The following CD63 variants were observed in gnomAD, a reference collection of about 807,000 sequenced individuals.
CD63 encodes CD63 molecule, also known as CD63 antigen.
In CD63, 16 loss-of-function variants were observed where a neutral mutation model predicts 29.2. That is an observed-to-expected ratio of 0.55 (90% CI 0.37 to 0.83). The LOEUF is 0.83. Among genes scored for constraint, CD63 ranks in the 40% least tolerant of loss-of-function variants. The probability of loss-of-function intolerance (pLI) is 0.00; values close to 1 mark genes in which losing one functional copy is unlikely to be tolerated. For synonymous variants in CD63, 118 were observed against 111.7 expected, an observed-to-expected ratio of 1.06 and a Z score of -0.36; for missense variants, 251 against 297.3, an observed-to-expected ratio of 0.84 and a Z score of 1.15.
chr12:55,729,211 C>A, upstream of CD63: 2 of 896,754 alleles, frequency 2.2e-6, no homozygotes, highest in South Asian at 1.0e-4. Context: ...GAAGAAGGCG[C>A]CCACCCCCGC....
Position 55,725,512 on chromosome 12 carries a change from A to G in CD63, c.*49T>C. On this transcript the variant is annotated 3_prime_UTR_variant, in exon 8 of 8. Transcript: ENST00000257857. ...TAATCCGTTTAATTGAAAAACCTGG[A>G]GGATACTATTCCACTCCCCCAGATG... 1 of 1,398,850 alleles carries G rather than the reference A, an allele frequency of 7.1e-7. No homozygotes were observed. The highest frequency in any genetic ancestry group is 1.0e-6 in the Non-Finnish European group (1 of 984,492). The allele number at this position is 1,398,850 out of a possible 1,614,324, so 86.7% of individuals were successfully genotyped here.
At chr12:55,727,122 C>A (rs1035573162) in intron 3 of CD63, 29 bp downstream of exon 3, 6 of 1,602,050 alleles carry the variant, frequency 3.7e-6, no homozygotes, top group Admixed American at 3.4e-5. Flanking sequence ...AGTCCCAGAC[C>A]GCCCATGTTG....
chr12:55,724,663 T>C (rs560347706), downstream of CD63: 18 of 997,510 alleles, frequency 1.8e-5, no homozygotes, highest in Non-Finnish European at 1.5e-6. Flanking sequence ...AGTGTATTGT[T>C]TAAAAAATAA....
chr12:55,727,175 C>G lies in CD63; in HGVS notation c.231G>C (p.Lys77Asn), dbSNP rs1274258303. The G allele has an allele frequency of 6.2e-7, 1 of 1,613,686 alleles. No homozygotes were observed. The highest frequency in any genetic ancestry group is 8.5e-7 in the Non-Finnish European group (1 of 1,179,928). The change falls in exon 3 of 8, where the codon AAG (lysine) becomes AAC (asparagine). Residue 77 changes from lysine (K) to asparagine (N), a missense_variant. Transcript: ENST00000257857. Reference sequence around the variant, plus strand: ...CCGTGATCATAAGACAATAGTTCTCCTTGCAGGCCCCGCAGCAGCCCACAA... The same window carrying G: ...CCGTGATCATAAGACAATAGTTCTCGTTGCAGGCCCCGCAGCAGCCCACAA... ...VAFVGCCGAC[K>N]ENYCLMITFA...
intron 2 of CD63, chr12:55,727,932 G>A (rs1877600037): frequency 2.5e-6 from 3 of 1,176,958 alleles, no homozygotes; most frequent in Non-Finnish European, 3.2e-6. Flanking sequence ...GGGAGGGAGA[G>A]AGGGGAGAAG....
rs1176073783 is a variant in CD63, at chr12:55,728,070, A to C, written c.66+206T>G. On this transcript the variant is annotated intron_variant, in intron 2 of 7. Transcript: ENST00000257857. The surrounding 1 kb of genome is among the most constrained non-coding windows in gnomAD (Gnocchi z 4.8). ...GAGGGATGGGGGTAGGGGTTGCTGC[A>C]CACCCAGGATGGCCATTCTCGGTGG... Among the ~76,000 whole-genome samples, 1 of 149,016 alleles carries C rather than the reference A, an allele frequency of 6.7e-6. No homozygotes were observed. Among genetic ancestry groups the C allele is most frequent in the Non-Finnish European group, 1.5e-5 (1 of 67,442 alleles).
At position 55,725,597 on chromosome 12, in the gene CD63, G is replaced by A. The variant is rs762113178; in HGVS notation, c.681C>T (p.Leu227=). The part of the protein sequence containing the change: ...EVLGIVFACC[L]VKSIRSGYEV... ...CGTAGCCACTTCTGATACTCTTCAC[G>A]AGGCAGCAGGCAAAGACAATTCCCA... The change falls in exon 8 of 8, where the codon CTC becomes CTT. Residue 227 remains leucine, a synonymous_variant. Coordinates refer to ENST00000257857, the MANE Select transcript of CD63 (RefSeq NM_001780.6). 24 of 1,613,920 alleles carry A rather than the reference G, an allele frequency of 1.5e-5. No individual in the cohort carries two copies. The highest frequency in any genetic ancestry group is 1.6e-4 in the Middle Eastern group (1 of 6,080).
chr12:55,725,975 C>T (rs981486412), intron 6 of CD63, 79 bp from the exon 7 acceptor site: 1 of 1,384,262 alleles, frequency 7.2e-7, no homozygotes, highest in African/African-American at 1.4e-5. Flanking sequence ...CCATCAGTCT[C>T]TTCCCTGCCC....
downstream of CD63, chr12:55,724,640 A>C: frequency 9.1e-7 from 1 of 1,099,946 alleles, no homozygotes; most frequent in East Asian, 2.5e-5. Flanking sequence ...GCCACAAAAT[A>C]AGCACTAACA....
rs1565658878 is a variant in CD63 at position 55,726,983 on chromosome 12, GAAGTC to G, written c.256-24_256-20del. The stretch of plus-strand genomic sequence containing the variant: ...TGGCAAACTGCAGGAGCAAAGGACA[GAAGTC>G]AAGTTTGGAGTCTATGCATTACAGG... On this transcript the variant is annotated intron_variant, in intron 3 of 7. Coordinates refer to ENST00000257857, the MANE Select transcript of CD63 (RefSeq NM_001780.6). 6.2e-7 allele frequency: 1 copy of G among 1,613,216 alleles called. No homozygotes were observed. Among genetic ancestry groups the G allele is most frequent in the Admixed American group, 1.7e-5 (1 of 60,030 alleles).
Position 55,728,236 on chromosome 12 carries a change from C to A in CD63, c.66+40G>T, listed in dbSNP as rs377548535. ...ACCACTGTGGAGCCAGGTCTCCCCG[C>A]ACCCTGCCGGCGCGCCCCCCAGGAC... On this transcript the variant is annotated intron_variant, in intron 2 of 7. Transcript: ENST00000257857. The surrounding 1 kb of genome is among the most constrained non-coding windows in gnomAD (Gnocchi z 4.8). The A allele has an allele frequency of 6.4e-7, 1 of 1,558,818 alleles. No individual in the cohort carries two copies.
chr12:55,728,981 C>T lies in CD63; in HGVS notation c.-40G>A. 2.0e-6 allele frequency: 2 copies of T among 985,470 alleles called. No homozygotes were observed. Among genetic ancestry groups the T allele is most frequent in the Non-Finnish European group, 2.4e-6 (2 of 830,064 alleles). The allele number at this position is 985,470 out of a possible 1,614,324, so 61.0% of individuals were successfully genotyped here. On this transcript the variant is annotated 5_prime_UTR_variant, in exon 1 of 8. Coordinates refer to ENST00000257857, the MANE Select transcript of CD63 (RefSeq NM_001780.6). The surrounding 1 kb of genome is among the most constrained non-coding windows in gnomAD (Gnocchi z 4.8). ...GGCTTCCCAAGGCTGGCTGCGCGTT[C>T]CTCTCCCGCCGCGGCTCCGGGGCTC...
intron 6 of CD63, 89 bp downstream of exon 6, chr12:55,726,032 C>A: frequency 6.6e-7 from 1 of 1,515,688 alleles, no homozygotes; most frequent in Admixed American, 1.7e-5. Flanking sequence ...CCCTCCCCAT[C>A]CCTGACCCTG....
downstream of CD63, chr12:55,724,105 C>T: frequency 6.3e-7 from 1 of 1,581,084 alleles, no homozygotes; most frequent in Non-Finnish European, 8.6e-7. Context: ...CCAGAAAGGC[C>T]AGTCCTGCAT....
downstream of CD63, chr12:55,725,175 G>C: frequency 3.3e-6 from 1 of 298,712 alleles, no homozygotes; most frequent in Admixed American, 4.9e-5. Context: ...TGGGGGCTGG[G>C]CTCTCGCAGG....
At chr12:55,727,954 G>A (rs1877602068) in intron 2 of CD63, 6 of 1,206,104 alleles carry the variant, frequency 5.0e-6, no homozygotes, top group Non-Finnish European at 5.2e-6. Context: ...GAGAGCGAAG[G>A]GAAGCCCCAT....
At chr12:55,724,516 C>T (rs761500612), downstream of CD63, 2 of 1,612,452 alleles carry the variant, frequency 1.2e-6, no homozygotes, top group Non-Finnish European at 1.7e-6. Flanking sequence ...CACCTGGGTC[C>T]TTCCCAAGCC....
chr12:55,727,860 T>C (rs1375595389), intron 2 of CD63: 89 of 1,061,338 alleles, frequency 8.4e-5, no homozygotes, highest in Middle Eastern at 8.7e-4. Flanking sequence ...GAGCCCTTCC[T>C]CACCCCCAAG....
At chr12:55,725,265 A>G (rs1230585709), downstream of CD63, 3 of 469,740 alleles carry the variant, frequency 6.4e-6, no homozygotes, top group African/African-American at 3.9e-5. Flanking sequence ...GCAGCATAAG[A>G]CTAGGGGGCA....
Sources: allele counts gnomAD v4.1 joint callset (sites outside exome capture counted in the v4.1 genomes callset), GRCh38; gene constraint gnomAD v4.1.1; non-coding constraint Gnocchi (gnomAD v3.1); transcripts MANE v1.5; gene names NCBI Gene and HGNC (gene_info 2026-07-23, HGNC 2026-07-21).